The following ARB2A variants were observed in gnomAD, a reference collection of about 807,000 sequenced individuals.
The protein encoded by ARB2A is cotranscriptional regulator ARB2A.
At chr5:93,687,010 A>G in the ARB2A span, among the ~76,000 whole-genome samples, 2 of 152,158 alleles carry the variant, frequency 1.3e-5, no homozygotes, top group Non-Finnish European at 2.9e-5. Flanking sequence ...AAACCTTAAC[A>G]AACTCCATAA....
chr5:94,054,883 C>T, the ARB2A span, among the ~76,000 whole-genome samples: 1 of 152,120 alleles, frequency 6.6e-6, no homozygotes, highest in Non-Finnish European at 1.5e-5. Flanking sequence ...CATTTTGCTC[C>T]TCAAATTGTT....
chr5:93,880,993 T>C, the ARB2A span, among the ~76,000 whole-genome samples: 1 of 151,694 alleles, frequency 6.6e-6, no homozygotes, highest in Non-Finnish European at 1.5e-5. Context: ...CATTATCCAG[T>C]AAACCTTACC....
chr5:93,941,078 T>A, the ARB2A span, among the ~76,000 whole-genome samples: 2 of 152,188 alleles, frequency 1.3e-5, no homozygotes. Context: ...CAACTAATTA[T>A]TCCAGTTATT....
At chr5:93,981,732 G>A in the ARB2A span, among the ~76,000 whole-genome samples, 2 of 151,788 alleles carry the variant, frequency 1.3e-5, no homozygotes. Context: ...CAGGCCCGAG[G>A]TTAATTTTGG....
At chr5:94,064,415 T>C in the ARB2A span, among the ~76,000 whole-genome samples, 3 of 152,316 alleles carry the variant, frequency 2.0e-5, no homozygotes, top group East Asian at 5.8e-4. Context: ...ACAAAAGGGT[T>C]AGAAACCCTA....
At chr5:93,868,654 C>T in the ARB2A span, among the ~76,000 whole-genome samples, 2 of 152,134 alleles carry the variant, frequency 1.3e-5, no homozygotes, top group Non-Finnish European at 2.9e-5. Flanking sequence ...TTCATCTCCA[C>T]CTACAAGGCT....
At chr5:93,994,646 C>T in the ARB2A span, among the ~76,000 whole-genome samples, 2 of 151,706 alleles carry the variant, frequency 1.3e-5, no homozygotes, top group Non-Finnish European at 2.9e-5. Flanking sequence ...GGAGACATGA[C>T]AATTTGAAAA....
At chr5:93,633,102 C>T in the ARB2A span, among the ~76,000 whole-genome samples, 2 of 152,210 alleles carry the variant, frequency 1.3e-5, no homozygotes, top group Non-Finnish European at 2.9e-5. Context: ...CTTAGCTACT[C>T]TACCTCACAG....
the ARB2A span, among the ~76,000 whole-genome samples, chr5:93,870,141 T>C: frequency 6.6e-6 from 1 of 152,216 alleles, no homozygotes; most frequent in Non-Finnish European, 1.5e-5. Context: ...AGTGGATCAG[T>C]AGAAAACAAA....
chr5:93,656,654 A>C, the ARB2A span, among the ~76,000 whole-genome samples: 1 of 152,128 alleles, frequency 6.6e-6, no homozygotes, highest in Non-Finnish European at 1.5e-5. Context: ...TTCACATTTA[A>C]ATAGATTTTT....
the ARB2A span, chr5:93,743,542 AT>A: frequency 1.0e-6 from 1 of 985,170 alleles, no homozygotes; most frequent in Non-Finnish European, 1.2e-6. Context: ...CTTACATGCT[AT>A]TTTTTTCAAA....
chr5:93,802,198 T>TTTTTA, the ARB2A span, among the ~76,000 whole-genome samples: 1 of 152,064 alleles, frequency 6.6e-6, no homozygotes, highest in African/African-American at 2.4e-5. Context: ...ATTTAAGTTA[T>TTTTTA]TTTTAAAAGA....
At chr5:93,778,945 T>C in the ARB2A span, among the ~76,000 whole-genome samples, 2 of 152,200 alleles carry the variant, frequency 1.3e-5, no homozygotes, top group African/African-American at 4.8e-5. Context: ...TCAGTTTTTA[T>C]CTAGCCACAT....
chr5:93,822,542 A>G, the ARB2A span, among the ~76,000 whole-genome samples: 2 of 152,184 alleles, frequency 1.3e-5, no homozygotes, highest in African/African-American at 4.8e-5. Context: ...AAGTCACTCT[A>G]CAAGTCAAGA....
chr5:93,856,610 C>T, the ARB2A span, among the ~76,000 whole-genome samples: 8 of 152,148 alleles, frequency 5.3e-5, no homozygotes, highest in African/African-American at 1.2e-4. Flanking sequence ...ATGTAGTTCT[C>T]GAGCCTTGGC....
At chr5:93,860,790 G>C in the ARB2A span, 1 of 152,154 alleles carries the variant, frequency 6.6e-6, no homozygotes, top group Non-Finnish European at 1.5e-5. Flanking sequence ...GAGTAGCTGG[G>C]ACTATAGGCG....
At chr5:93,750,732 G>A in the ARB2A span, among the ~76,000 whole-genome samples, 1 of 151,872 alleles carries the variant, frequency 6.6e-6, no homozygotes, top group African/African-American at 2.4e-5. Context: ...TCACTATGTT[G>A]CCCACGCTGG....
chr5:93,827,311 C>T, the ARB2A span, among the ~76,000 whole-genome samples: 5 of 152,048 alleles, frequency 3.3e-5, no homozygotes, highest in African/African-American at 1.2e-4. Context: ...GATGGTATCT[C>T]ATTGAGGTTT....
At chr5:93,754,759 A>G in the ARB2A span, among the ~76,000 whole-genome samples, 2,134 of 152,304 alleles carry the variant, frequency 0.014, 20 homozygotes, top group South Asian at 0.027. Context: ...TTCTAATTTT[A>G]TCTAACTGCT....
Sources: gnomAD v4.1 joint callset for allele counts (sites outside exome capture counted in the v4.1 genomes callset) on GRCh38, gnomAD v4.1.1 for gene constraint, MANE v1.5 for transcripts, NCBI Gene and HGNC (gene_info 2026-07-23, HGNC 2026-07-21) for gene names.